The following KCNB2 variants were observed in gnomAD, a reference collection of about 807,000 sequenced individuals.
The protein encoded by KCNB2 is delayed rectifier potassium channel protein.
Under a neutral mutation model 61.5 loss-of-function variants are expected in KCNB2, and 15 were observed. The observed-to-expected ratio is 0.24, with a 90% CI of 0.16 to 0.38. The LOEUF is 0.38. KCNB2 is among the 10% of genes least tolerant of loss of function. The pLI, the probability that KCNB2 is intolerant of heterozygous loss-of-function variation, is 1.00. For synonymous variants in KCNB2, 457 were observed against 446.0 expected, an observed-to-expected ratio of 1.02 and a Z score of -0.31; for missense variants, 828 against 1,125.2, an observed-to-expected ratio of 0.74 and a Z score of 3.78.
At chr8:72,903,701 T>C (rs1457852202) in intron 2 of KCNB2, among the ~76,000 whole-genome samples, 2 of 152,192 alleles carry the variant, frequency 1.3e-5, no homozygotes, top group East Asian at 3.9e-4. Flanking sequence ...CTAAATCCAA[T>C]GTCATCTACG....
At chr8:72,566,240 G>A (rs1238225820) in intron 1 of KCNB2, among the ~76,000 whole-genome samples, 1 of 152,170 alleles carries the variant, frequency 6.6e-6, no homozygotes, top group African/African-American at 2.4e-5. Context: ...GTGCTGGTAG[G>A]ACTTCAAAAA....
intron 2 of KCNB2, among the ~76,000 whole-genome samples, chr8:72,627,070 A>G (rs1367831934): frequency 6.6e-6 from 1 of 152,224 alleles, no homozygotes; most frequent in Non-Finnish European, 1.5e-5. Context: ...CATCAGTTTG[A>G]TAATGCCTAA....
At chr8:72,569,307 T>G (rs530761861) in intron 2 of KCNB2, among the ~76,000 whole-genome samples, 2 of 152,306 alleles carry the variant, frequency 1.3e-5, no homozygotes, top group African/African-American at 4.8e-5. Flanking sequence ...ATTTACTGTT[T>G]TTTTCTAAAA....
chr8:72,710,310 T>C (rs1406043149), intron 2 of KCNB2, among the ~76,000 whole-genome samples: 1 of 152,190 alleles, frequency 6.6e-6, no homozygotes, highest in East Asian at 1.9e-4. Flanking sequence ...GCTAATACTT[T>C]GCAATTCTAC....
intron 2 of KCNB2, among the ~76,000 whole-genome samples, chr8:72,602,562 A>T (rs1369689257): frequency 6.6e-6 from 1 of 152,122 alleles, no homozygotes; most frequent in African/African-American, 2.4e-5. Context: ...TGCATTAAAG[A>T]TAGGCACTAT....
intron 2 of KCNB2, among the ~76,000 whole-genome samples, chr8:72,781,488 T>A (rs1340471505): frequency 6.6e-6 from 1 of 152,202 alleles, no homozygotes; most frequent in Non-Finnish European, 1.5e-5. Context: ...TCCACATTGC[T>A]TTTGTCAGTT....
chr8:72,548,682 G>A (rs1417004775), intron 1 of KCNB2, among the ~76,000 whole-genome samples: 1 of 151,730 alleles, frequency 6.6e-6, no homozygotes, highest in African/African-American at 2.4e-5. Context: ...TTTTTGTTAG[G>A]CCTGGCTCTT....
intron 2 of KCNB2, among the ~76,000 whole-genome samples, chr8:72,601,798 C>A (rs1805355167): frequency 6.6e-6 from 1 of 152,180 alleles, no homozygotes; most frequent in Non-Finnish European, 1.5e-5. Flanking sequence ...CAGTACAGAA[C>A]ACTCTATCAC....
At chr8:72,730,170 A>G (rs1807717874) in intron 2 of KCNB2, among the ~76,000 whole-genome samples, 5 of 152,064 alleles carry the variant, frequency 3.3e-5, no homozygotes, top group Admixed American at 3.3e-4. Flanking sequence ...CAAAACTTTC[A>G]TTGTCGCCTA....
intron 2 of KCNB2, among the ~76,000 whole-genome samples, chr8:72,736,490 A>G (rs567069091): frequency 6.6e-6 from 1 of 152,128 alleles, no homozygotes; most frequent in South Asian, 2.1e-4. Flanking sequence ...CGTCTTAAGA[A>G]TCCATGACAA....
At chr8:72,603,667 G>A (rs1247993771) in intron 2 of KCNB2, among the ~76,000 whole-genome samples, 1 of 152,124 alleles carries the variant, frequency 6.6e-6, no homozygotes, top group Non-Finnish European at 1.5e-5. Flanking sequence ...GTACTGGGTT[G>A]ATTAGTGTCC....
chr8:72,888,035 T>A lies in KCNB2; in HGVS notation c.580-47900T>A, dbSNP rs144112299. On this transcript the variant is annotated intron_variant, in intron 2 of 2. Transcript: ENST00000523207. ...GCTCCTTAGGCAAGAGCCTTACTGC[T>A]TTAATCGTGTTTTGCACATAATCAT... Among the ~76,000 whole-genome samples, 239 of 152,386 alleles carry A rather than the reference T, an allele frequency of 1.6e-3. 1 individual carries two copies. Among genetic ancestry groups the A allele is most frequent in the Middle Eastern group, 0.01 (3 of 294 alleles).
At chr8:72,888,841 G>A (rs151037047) in intron 2 of KCNB2, among the ~76,000 whole-genome samples, 12 of 152,266 alleles carry the variant, frequency 7.9e-5, no homozygotes, top group African/African-American at 2.9e-4. Flanking sequence ...AAAAATAACA[G>A]TATAAAGAGT....
intron 2 of KCNB2, among the ~76,000 whole-genome samples, chr8:72,749,861 TTA>T (rs911018353): frequency 2.7e-5 from 4 of 146,874 alleles, no homozygotes; most frequent in Admixed American, 1.4e-4. Flanking sequence ...ATATATATTT[TTA>T]TATATATATA....
At chr8:72,883,313 C>T (rs4541976) in intron 2 of KCNB2, among the ~76,000 whole-genome samples, 137,642 of 152,290 alleles carry the variant, frequency 0.9, 62,992 homozygotes, top group Middle Eastern at 0.97. Context: ...CATCTTATCC[C>T]GGCGTAACTA....
chr8:72,718,203 T>A (rs1807479956), intron 2 of KCNB2, among the ~76,000 whole-genome samples: 1 of 152,136 alleles, frequency 6.6e-6, no homozygotes, highest in Non-Finnish European at 1.5e-5. Flanking sequence ...GGAACACTTT[T>A]ACACTGTTGG....
intron 2 of KCNB2, among the ~76,000 whole-genome samples, chr8:72,887,825 G>T (rs1805830970): frequency 6.6e-6 from 1 of 152,156 alleles, no homozygotes; most frequent in Non-Finnish European, 1.5e-5. Context: ...GGAAGCCAGG[G>T]CCCTACACTT....
chr8:72,852,396 A>G (rs1211003029), intron 2 of KCNB2, among the ~76,000 whole-genome samples: 2 of 152,224 alleles, frequency 1.3e-5, no homozygotes, highest in Non-Finnish European at 2.9e-5. Flanking sequence ...ACTAATCAAA[A>G]GAGAGATTTA....
intron 2 of KCNB2, among the ~76,000 whole-genome samples, chr8:72,684,013 T>A (rs192377730): frequency 6.6e-6 from 1 of 152,320 alleles, no homozygotes; most frequent in African/African-American, 2.4e-5. Context: ...AAAATTAGTC[T>A]GCTGATGAGG....
Sources: gnomAD v4.1 joint callset for allele counts (sites outside exome capture counted in the v4.1 genomes callset) on GRCh38, gnomAD v4.1.1 for gene constraint, MANE v1.5 for transcripts, NCBI Gene and HGNC (gene_info 2026-07-23, HGNC 2026-07-21) for gene names.